The following PTPRJ variants were observed in gnomAD, a reference collection of about 807,000 sequenced individuals.
PTPRJ encodes receptor-type tyrosine-protein phosphatase eta.
A neutral mutation model predicts 141.3 loss-of-function variants in PTPRJ; 129 were observed. That is an observed-to-expected ratio of 0.91 (90% CI 0.79 to 1.06). The LOEUF is 1.06. Ranked by LOEUF, PTPRJ falls within the 50% of genes least tolerant of loss-of-function variation. The probability of loss-of-function intolerance (pLI) is 0.00; values close to 1 mark genes in which losing one functional copy is unlikely to be tolerated. For missense variants in PTPRJ, 1,601 were observed against 1,679.7 expected (o/e 0.95, Z 0.82); for synonymous variants, 610 against 640.5 (o/e 0.95, Z 0.72).
At position 48,042,787 on chromosome 11, in the gene PTPRJ, A is replaced by T. The variant is rs535549928; in HGVS notation, c.96+61779A>T. ...GTGTGTGTGTGTGTGTGTGTGTGTG[A>T]GAGAGAGAGAGAGAGAAAGAGAGTA... On this transcript the variant is annotated intron_variant, in intron 1 of 24. Transcript: ENST00000418331. Among the ~76,000 whole-genome samples the T allele has an allele frequency of 4.3e-3, 520 of 122,318 alleles. 1 individual carries two copies. The highest frequency in any genetic ancestry group is 0.015 in the African/African-American group (418 of 28,064). 80.2% of individuals were successfully genotyped at this position (122,318 alleles called of 152,430 possible).
chr11:48,123,959 G>T (rs923447853), intron 5 of PTPRJ, 89 bp downstream of exon 5: 8 of 1,392,512 alleles, frequency 5.7e-6, no homozygotes, highest in African/African-American at 2.9e-5. Flanking sequence ...TCTTCCATGT[G>T]TATGGAGATT....
At chr11:48,044,402 G>A (rs1385873937) in intron 1 of PTPRJ, among the ~76,000 whole-genome samples, 1 of 152,190 alleles carries the variant, frequency 6.6e-6, no homozygotes, top group African/African-American at 2.4e-5. Context: ...AAGAGGAATT[G>A]GATCACCCTG....
intron 1 of PTPRJ, among the ~76,000 whole-genome samples, chr11:48,025,860 C>T (rs904235410): frequency 7.9e-5 from 12 of 152,186 alleles, no homozygotes; most frequent in African/African-American, 2.9e-4. Flanking sequence ...CTGCATCTGC[C>T]TCAGACAGCC....
chr11:48,156,691 TC>T (rs1228711270), intron 21 of PTPRJ, among the ~76,000 whole-genome samples: 3 of 149,736 alleles, frequency 2.0e-5, no homozygotes, highest in African/African-American at 7.4e-5. Flanking sequence ...ATTCCTGGGC[TC>T]CCTCCCACTT....
chr11:48,100,601 T>A (rs1053780374), intron 1 of PTPRJ, among the ~76,000 whole-genome samples: 26 of 152,156 alleles, frequency 1.7e-4, no homozygotes, highest in African/African-American at 6.0e-4. Flanking sequence ...CTCTTAGTTA[T>A]GAAAATGATC....
chr11:48,108,998 T>C (rs1333625194), intron 1 of PTPRJ, among the ~76,000 whole-genome samples: 2 of 151,380 alleles, frequency 1.3e-5, no homozygotes, highest in Non-Finnish European at 2.9e-5. Context: ...GGACAGAGAG[T>C]GAGGGGTGTT....
chr11:48,164,419 T>C lies in PTPRJ; in HGVS notation c.3759T>C (p.Asp1253=), dbSNP rs1309618420. 2 of 1,614,174 alleles carry C rather than the reference T, an allele frequency of 1.2e-6. No homozygotes were observed. The highest frequency in any genetic ancestry group is 2.2e-5 in the East Asian group (1 of 44,882). ...VGRTGTFIAI[D]RLIYQIENEN... The stretch of plus-strand genomic sequence containing the variant: ...GGACGGGCACTTTCATTGCCATTGA[T>C]CGTCTCATCTACCAGATAGAGAATG... Residue 1253 remains aspartate, a synonymous_variant, in exon 24 of 25, where the codon GAT becomes GAC. Transcript: ENST00000418331.
In PTPRJ at chr11:48,112,772, A is replaced by G; in HGVS notation, c.141A>G (p.Ser47=). Residue 47 remains serine, a synonymous_variant, in exon 3 of 25, where the codon TCA becomes TCG. Coordinates refer to ENST00000418331, the MANE Select transcript of PTPRJ (RefSeq NM_002843.4). ...CCCCTAGTCCAATTCCTGACCCTTC[A>G]GTAGCAACTGTTGCCACAGGGGAAA... ...GGTPSPIPDP[S]VATVATGENG... The G allele has an allele frequency of 6.2e-7, 1 of 1,614,068 alleles. No homozygotes were observed. Among genetic ancestry groups the G allele is most frequent in the Non-Finnish European group, 8.5e-7 (1 of 1,179,892 alleles).
chr11:48,096,157 C>T (rs1008764213), intron 1 of PTPRJ, among the ~76,000 whole-genome samples: 1 of 152,160 alleles, frequency 6.6e-6, no homozygotes, highest in Non-Finnish European at 1.5e-5. Flanking sequence ...TTTTAAGTGT[C>T]GATTTTCTTT....
chr11:48,066,625 G>A (rs1053507438), intron 1 of PTPRJ, among the ~76,000 whole-genome samples: 3 of 150,672 alleles, frequency 2.0e-5, no homozygotes, highest in Admixed American at 6.6e-5. Flanking sequence ...TCGCTGTGTC[G>A]CCCAGGCTGG....
intron 7 of PTPRJ, among the ~76,000 whole-genome samples, chr11:48,129,916 G>A (rs1370970669): frequency 6.6e-6 from 1 of 152,098 alleles, no homozygotes; most frequent in African/African-American, 2.4e-5. Flanking sequence ...CAGTACCTCT[G>A]CTCATGCTTC....
chr11:48,111,781 G>A (rs191494957), intron 2 of PTPRJ, among the ~76,000 whole-genome samples: 3 of 152,244 alleles, frequency 2.0e-5, no homozygotes, highest in African/African-American at 7.2e-5. Flanking sequence ...TAGTTTGCCA[G>A]GGCTGCTGTA....
At chr11:48,073,008 C>T (rs1036083575) in intron 1 of PTPRJ, among the ~76,000 whole-genome samples, 3 of 152,084 alleles carry the variant, frequency 2.0e-5, no homozygotes, top group African/African-American at 7.2e-5. Flanking sequence ...CTTGAATGTC[C>T]AAATTAATTT....
chr11:48,025,966 C>G (rs568508275), intron 1 of PTPRJ, among the ~76,000 whole-genome samples: 1 of 152,328 alleles, frequency 6.6e-6, no homozygotes, highest in Non-Finnish European at 1.5e-5. Context: ...ATGGAAATCC[C>G]ACTCCCCACT....
chr11:48,113,033 A>C (rs1243795185), intron 3 of PTPRJ, 50 bp downstream of exon 3: 9 of 1,427,116 alleles, frequency 6.3e-6, no homozygotes, highest in Non-Finnish European at 7.7e-6. Context: ...AAATCGGTAG[A>C]ATTTATAAAT....
chr11:48,131,789 T>C, intron 8 of PTPRJ: 2 of 389,628 alleles, frequency 5.1e-6, no homozygotes, highest in Non-Finnish European at 9.1e-6. Context: ...GGTTTTCAAA[T>C]TGTGGTCCAG....
Position 47,980,561 on chromosome 11 carries a change from C to G in PTPRJ, c.-352C>G, listed in dbSNP as rs947745537. 2.0e-6 allele frequency: 2 copies of G among 982,764 alleles called. No homozygotes were observed. Among genetic ancestry groups the G allele is most frequent in the African/African-American group, 3.5e-5 (2 of 56,908 alleles). The allele number at this position is 982,764 out of a possible 1,614,324, so 60.9% of individuals were successfully genotyped here. ...CGCTCGCCGCGGCTCCCTGCAGCAG[C>G]CCCAGCCGCATGACGCGCGGAGGAG... On this transcript the variant is annotated 5_prime_UTR_variant, in exon 1 of 25. Transcript: ENST00000418331.
At chr11:48,054,294 GCC>G (rs1054793395) in intron 1 of PTPRJ, among the ~76,000 whole-genome samples, 25 of 152,300 alleles carry the variant, frequency 1.6e-4, no homozygotes, top group Admixed American at 4.6e-4. Context: ...TGGACAGGGG[GCC>G]CCATTGTGCA....
intron 1 of PTPRJ, among the ~76,000 whole-genome samples, chr11:48,012,178 C>T (rs1003322829): frequency 6.6e-6 from 1 of 152,002 alleles, no homozygotes; most frequent in African/African-American, 2.4e-5. Flanking sequence ...GTCACTGTCC[C>T]AGTTTTCTTC....
Sources: gnomAD v4.1 joint callset for allele counts (sites outside exome capture counted in the v4.1 genomes callset) on GRCh38, gnomAD v4.1.1 for gene constraint, MANE v1.5 for transcripts, NCBI Gene and HGNC (gene_info 2026-07-23, HGNC 2026-07-21) for gene names.